Variants in IL17D observed in about 807,000 individuals in gnomAD.
IL17D encodes the protein interleukin-17D.
In IL17D, 10 loss-of-function variants were observed where a neutral mutation model predicts 5.7. The ratio of observed to expected loss-of-function variants is 1.75; its 90% CI spans 1.08 to 2.97. The LOEUF (loss-of-function observed/expected upper bound fraction) is 2.97. Ranked by LOEUF, IL17D falls within the 30% of genes most tolerant of loss-of-function variation. The pLI, the probability that IL17D is intolerant of heterozygous loss-of-function variation, is 0.00. For synonymous variants in IL17D, 172 were observed against 141.7 expected (o/e 1.21, Z -1.52); for missense variants, 354 against 292.7 (o/e 1.21, Z -1.53).
At chr13:20,704,319 C>T (rs1395338069) in intron 1 of IL17D, 28 bp downstream of exon 1, 3 of 1,162,544 alleles carry the variant, frequency 2.6e-6, no homozygotes, top group Non-Finnish European at 3.2e-6. Context: ...CCTGGCGGGG[C>T]CCGGCAGGTG....
At chr13:20,702,594 T>C (rs41448546), upstream of IL17D, 10 of 152,238 alleles carry the variant, frequency 6.6e-5, no homozygotes, top group African/African-American at 2.4e-4. Flanking sequence ...TGTTATGAAG[T>C]ATATAATATA....
chr13:20,705,936 AT>A (rs2058588926), intron 1 of IL17D, among the ~76,000 whole-genome samples: 1 of 152,174 alleles, frequency 6.6e-6, no homozygotes, highest in Non-Finnish European at 1.5e-5. Context: ...AAATGTGATG[AT>A]TTTGTCTAAA....
At chr13:20,708,983 G>A (rs9509344) in intron 1 of IL17D, among the ~76,000 whole-genome samples, 47,744 of 130,590 alleles carry the variant, frequency 0.37, 10,509 homozygotes, top group Non-Finnish European at 0.5. Context: ...AAAAAAGAAA[G>A]AAAGAAAAGA....
chr13:20,711,480 C>T lies in IL17D; in HGVS notation c.290+7189C>T, dbSNP rs375596834. ...CAGTCACCTCTTCAAGGCCCCGCCT[C>T]CCACACTGTTACCATGGCAACTGAG... On this transcript the variant is annotated intron_variant, in intron 1 of 1. Transcript: ENST00000682841. Among the ~76,000 whole-genome samples, 12 of 152,302 alleles carry T rather than the reference C, an allele frequency of 7.9e-5. No homozygotes were observed. The South Asian group carries it at 2.3e-3, about 29-fold the overall frequency.
rs2058741743 is a variant in IL17D, at chr13:20,722,096, G to A, written c.*142G>A. On this transcript the variant is annotated 3_prime_UTR_variant, in exon 2 of 2. Coordinates refer to ENST00000682841, the MANE Select transcript of IL17D (RefSeq NM_001385224.1). Reference sequence around the variant, plus strand: ...CGGAGCACCAGCGCCGCCTTTCCATGGAGACTCGTAAGCAGCTTCATCTGA... The same window carrying A: ...CGGAGCACCAGCGCCGCCTTTCCATAGAGACTCGTAAGCAGCTTCATCTGA... The A allele has an allele frequency of 4.5e-6, 3 of 661,898 alleles. No homozygotes were observed. Among genetic ancestry groups the A allele is most frequent in the East Asian group, 5.8e-5 (2 of 34,270 alleles). The allele number at this position is 661,898 out of a possible 1,614,324, so 41.0% of individuals were successfully genotyped here.
At chr13:20,705,289 G>A (rs976051686) in intron 1 of IL17D, among the ~76,000 whole-genome samples, 7 of 151,302 alleles carry the variant, frequency 4.6e-5, no homozygotes, top group Admixed American at 2.6e-4. Flanking sequence ...CTTGGAAAAT[G>A]GGGAGAGCCA....
intron 1 of IL17D, among the ~76,000 whole-genome samples, chr13:20,705,782 A>G (rs543171807): frequency 4.6e-5 from 7 of 152,208 alleles, no homozygotes; most frequent in Non-Finnish European, 5.9e-5. Flanking sequence ...GGGTGTCCCA[A>G]TGGGGCATGG....
In IL17D at chr13:20,721,811, T is replaced by G. The variant is rs781001885; in HGVS notation, c.466T>G (p.Tyr156Asp). The G allele has an allele frequency of 6.2e-7, 1 of 1,610,270 alleles. No homozygotes were observed. The highest frequency in any genetic ancestry group is 1.1e-5 in the South Asian group (1 of 91,058). ...TPACAGGRSV[Y>D]TEAYVTIPVG... ...CGCCTGCGCCGGCGGCCGTTCCGTC[T>G]ACACCGAGGCCTACGTCACCATCCC... The change falls in exon 2 of 2, where the codon TAC (tyrosine) becomes GAC (aspartate). Residue 156 changes from tyrosine (Y) to aspartate (D), a missense_variant. Coordinates refer to ENST00000682841, the MANE Select transcript of IL17D (RefSeq NM_001385224.1).
intron 1 of IL17D, among the ~76,000 whole-genome samples, chr13:20,710,039 C>CA (rs1451001709): frequency 6.6e-6 from 1 of 152,122 alleles, no homozygotes; most frequent in Non-Finnish European, 1.5e-5. Flanking sequence ...AATAGTAGAG[C>CA]CAGGAGTCAT....
At position 20,723,055 on chromosome 13, in the gene IL17D, T is replaced by C. The variant is rs1411174912; in HGVS notation, c.*1101T>C. 1 of 152,172 alleles carries C rather than the reference T, an allele frequency of 6.6e-6. No individual in the cohort carries two copies. Among genetic ancestry groups the C allele is most frequent in the Admixed American group, 6.5e-5 (1 of 15,278 alleles). The allele number at this position is 152,172 out of a possible 1,614,324, so 9.4% of individuals were successfully genotyped here. A position where few individuals can be genotyped will look rare whatever the true frequency, so the allele number is the denominator to read the frequency against. ...CTCTGAACACAATTATTTGTAAAAG[T>C]TAGTAGTTCTTTTTTAAATCATTAA... On this transcript the variant is annotated 3_prime_UTR_variant, in exon 2 of 2. Coordinates refer to ENST00000682841, the MANE Select transcript of IL17D (RefSeq NM_001385224.1).
intron 1 of IL17D, among the ~76,000 whole-genome samples, chr13:20,707,077 G>A (rs907950675): frequency 3.3e-5 from 5 of 152,308 alleles, no homozygotes; most frequent in Admixed American, 3.3e-4. Flanking sequence ...GACTGCCAAA[G>A]CTGCTCCTGC....
chr13:20,715,160 C>T (rs41476848), intron 1 of IL17D, among the ~76,000 whole-genome samples: 2,325 of 152,272 alleles, frequency 0.015, 45 homozygotes, highest in Middle Eastern at 0.048. Context: ...AACATAGAGA[C>T]CAACTGGTCT....
At chr13:20,711,601 T>C (rs1470939700) in intron 1 of IL17D, among the ~76,000 whole-genome samples, 1 of 152,092 alleles carries the variant, frequency 6.6e-6, no homozygotes, top group Non-Finnish European at 1.5e-5. Flanking sequence ...AACTTTCAAA[T>C]AGACACCCTA....
rs1594995199 is a variant in IL17D at position 20,705,212 on chromosome 13, G to A, written c.290+921G>A. ...GTGAAAGAGCTGAGTCTTGATGGAGGAGAGCAAGTCGCCTACAAAGGCAGT... is the reference window on the plus strand; with the variant it reads ...GTGAAAGAGCTGAGTCTTGATGGAGAAGAGCAAGTCGCCTACAAAGGCAGT... On this transcript the variant is annotated intron_variant, in intron 1 of 1. Transcript: ENST00000682841. Among the ~76,000 whole-genome samples the A allele has an allele frequency of 2.0e-5, 3 of 151,714 alleles. No individual in the cohort carries two copies. The South Asian group carries it at 6.2e-4, about 32-fold the overall frequency.
intron 1 of IL17D, 110 bp from the exon 2 acceptor site, chr13:20,721,526 G>T: frequency 1.2e-6 from 1 of 822,834 alleles, no homozygotes; most frequent in South Asian, 2.1e-5. Context: ...GCCCGCAGGC[G>T]GAGGACAGGA....
chr13:20,721,174 C>T (rs1184380490), intron 1 of IL17D, among the ~76,000 whole-genome samples: 9 of 152,158 alleles, frequency 5.9e-5, no homozygotes, highest in Admixed American at 5.9e-4. Context: ...CTGTCCGCCC[C>T]CAGCCCCTCT....
rs59047970 is a variant in IL17D at position 20,708,960 on chromosome 13, C to CAAA, written c.290+4685_290+4687dup. Among the ~76,000 whole-genome samples the CAAA allele has an allele frequency of 2.9e-3, 187 of 65,188 alleles. 2 individuals carry two copies. Among genetic ancestry groups the CAAA allele is most frequent in the African/African-American group, 7.7e-3 (161 of 20,836 alleles). 42.8% of individuals were successfully genotyped at this position (65,188 alleles called of 152,430 possible). A position where few individuals can be genotyped will look rare whatever the true frequency, so the allele number is the denominator to read the frequency against. On this transcript the variant is annotated intron_variant, in intron 1 of 1. Transcript: ENST00000682841. ...TGGATGACAGAGCGAGACTCTGTCTCAAAAAAAAAAAAAAAAAAGAAAGAA... is the reference window on the plus strand; with the variant it reads ...TGGATGACAGAGCGAGACTCTGTCTCAAAAAAAAAAAAAAAAAAAAAGAAAGAA...
At chr13:20,718,708 A>T (rs1222120207) in intron 1 of IL17D, among the ~76,000 whole-genome samples, 1 of 110,306 alleles carries the variant, frequency 9.1e-6, no homozygotes, top group Admixed American at 1.1e-4. Context: ...ACGCTCACAC[A>T]CACCTGCCCA....
chr13:20,714,528 C>T (rs1377877679), intron 1 of IL17D, among the ~76,000 whole-genome samples: 1 of 152,196 alleles, frequency 6.6e-6, no homozygotes, highest in Non-Finnish European at 1.5e-5. Context: ...GCAGGCTAAG[C>T]CTTCTTTTTC....
Sources: allele counts gnomAD v4.1 joint callset (sites outside exome capture counted in the v4.1 genomes callset), GRCh38; gene constraint gnomAD v4.1.1; transcripts MANE v1.5; gene names NCBI Gene and HGNC (gene_info 2026-07-23, HGNC 2026-07-21).